MAD1L1: variants seen among roughly 807,000 people sequenced by gnomAD.
MAD1L1 encodes the protein mitotic spindle assembly checkpoint protein MAD1.
Under a neutral mutation model 96.9 loss-of-function variants are expected in MAD1L1, and 95 were observed. The ratio of observed to expected loss-of-function variants is 0.98; its 90% CI spans 0.83 to 1.16. The LOEUF (loss-of-function observed/expected upper bound fraction) is 1.16. MAD1L1 is among the 50% of genes most tolerant of loss of function. The pLI is 0.00. For missense variants in MAD1L1, 1,007 were observed against 954.4 expected (o/e 1.06, Z -0.73); for synonymous variants, 473 against 396.6 (o/e 1.19, Z -2.29).
At chr7:2,005,965 C>T (rs980092316) in intron 13 of MAD1L1, among the ~76,000 whole-genome samples, 1 of 152,054 alleles carries the variant, frequency 6.6e-6, no homozygotes, top group African/African-American at 2.4e-5. Flanking sequence ...AAGCTCAGCA[C>T]GCAGAGGGGC....
At chr7:2,166,658 G>A (rs1790443327) in intron 10 of MAD1L1, among the ~76,000 whole-genome samples, 1 of 152,356 alleles carries the variant, frequency 6.6e-6, no homozygotes, top group East Asian at 1.9e-4. Flanking sequence ...GAGAGCTTGG[G>A]ATGCAACCAC....
At chr7:2,047,858 T>C (rs1179588328) in intron 12 of MAD1L1, among the ~76,000 whole-genome samples, 4 of 152,168 alleles carry the variant, frequency 2.6e-5, no homozygotes, top group Non-Finnish European at 5.9e-5. Context: ...ATCACACACG[T>C]GCACTCACGT....
intron 9 of MAD1L1, among the ~76,000 whole-genome samples, chr7:2,214,238 T>G (rs1057482357): frequency 1.3e-5 from 2 of 152,198 alleles, no homozygotes; most frequent in Non-Finnish European, 2.9e-5. Context: ...AACTACGGAA[T>G]GTGGCTTGAG....
chr7:1,818,632 C>T (rs958462441), intron 18 of MAD1L1, among the ~76,000 whole-genome samples: 5 of 151,820 alleles, frequency 3.3e-5, no homozygotes, highest in African/African-American at 4.8e-5. Flanking sequence ...TCTCAAACTC[C>T]TGGCCTGACG....
chr7:2,083,271 A>C (rs1477350317), intron 11 of MAD1L1, among the ~76,000 whole-genome samples: 1 of 152,242 alleles, frequency 6.6e-6, no homozygotes, highest in Non-Finnish European at 1.5e-5. Context: ...GTCACCCGGC[A>C]GCTCATTTAT....
intron 17 of MAD1L1, among the ~76,000 whole-genome samples, chr7:1,925,667 G>A (rs1789047600): frequency 1.3e-5 from 2 of 152,206 alleles, no homozygotes; most frequent in Admixed American, 1.3e-4. Flanking sequence ...TCCAACACGT[G>A]GACTTTGGAG....
intron 10 of MAD1L1, among the ~76,000 whole-genome samples, chr7:2,188,317 T>C (rs1791557751): frequency 6.6e-6 from 1 of 152,196 alleles, no homozygotes; most frequent in Non-Finnish European, 1.5e-5. Context: ...ACTAAATATT[T>C]TGCAGACATA....
rs893192440 is a variant in MAD1L1, at chr7:2,197,076, C to T, written c.986+16136G>A. Among the ~76,000 whole-genome samples, 6 of 152,346 alleles carry T rather than the reference C, an allele frequency of 3.9e-5. No homozygotes were observed. In the East Asian group the frequency reaches 5.8e-4, roughly 15 times the overall value. On this transcript the variant is annotated intron_variant, in intron 10 of 18. Transcript: ENST00000265854. ...TGCGGCTCCTGTGACCTGCAGGACGCGGTCCAAACCACCCTCAGGACAGGA... is the reference window on the plus strand; with the variant it reads ...TGCGGCTCCTGTGACCTGCAGGACGTGGTCCAAACCACCCTCAGGACAGGA...
chr7:2,115,231 G>A (rs1787606123), intron 11 of MAD1L1, among the ~76,000 whole-genome samples: 1 of 151,490 alleles, frequency 6.6e-6, no homozygotes, highest in South Asian at 2.1e-4. Context: ...GGTCAGAGGA[G>A]GCGCTGGACA....
chr7:1,871,236 T>TATGCCTGCC (rs1562476489), intron 18 of MAD1L1, among the ~76,000 whole-genome samples: 8 of 114,918 alleles, frequency 7.0e-5, no homozygotes, highest in Non-Finnish European at 1.0e-4. Context: ...GAACCCAACA[T>TATGCCTGCC]ACGCCTGCCA....
chr7:2,013,130 G>A (rs530002602), intron 13 of MAD1L1, among the ~76,000 whole-genome samples: 25 of 152,354 alleles, frequency 1.6e-4, no homozygotes, highest in South Asian at 6.2e-4. Flanking sequence ...GACTTTCCCT[G>A]GCACACGGCC....
intron 11 of MAD1L1, among the ~76,000 whole-genome samples, chr7:2,130,328 C>T (rs1370431375): frequency 6.6e-6 from 1 of 152,208 alleles, no homozygotes; most frequent in African/African-American, 2.4e-5. Flanking sequence ...GAGGCCAAGT[C>T]CCCAAGCCCA....
intron 10 of MAD1L1, among the ~76,000 whole-genome samples, chr7:2,171,627 A>G (rs1790711301): frequency 6.6e-6 from 1 of 151,588 alleles, no homozygotes. Context: ...CAGGCAAAGG[A>G]CAGCAGAGAA....
intron 16 of MAD1L1, among the ~76,000 whole-genome samples, chr7:1,947,862 A>C (rs1779302689): frequency 6.6e-6 from 1 of 152,298 alleles, no homozygotes; most frequent in East Asian, 1.9e-4. Context: ...CCTGTCGCCG[A>C]GGGGCCTGCG....
rs551569137 is a variant in MAD1L1, at chr7:1,980,496, C to A, written c.1462G>T (p.Glu488Ter). 1 of 1,602,030 alleles carries A rather than the reference C, an allele frequency of 6.2e-7. No individual in the cohort carries two copies. The highest frequency in any genetic ancestry group is 8.5e-7 in the Non-Finnish European group (1 of 1,178,262). ...TCCCTGGAGAACAGGAAGCTCTGTT[C>A]GGCAGAGCTGGACTGAGACTTCAGC... The part of the protein sequence containing the change: ...KMLKSQSSSA[E>*]QSFLFSREEA... Residue 488 changes from glutamate (E) to a stop codon, truncating the protein, a stop_gained, in exon 15 of 19, where the codon GAA becomes TAA. Coordinates refer to ENST00000265854, the MANE Select transcript of MAD1L1 (RefSeq NM_001013836.2). LOFTEE classifies it high-confidence loss of function.
In MAD1L1 at chr7:2,097,653, G is replaced by A. The variant is rs544983306; in HGVS notation, c.1074-28315C>T. On this transcript the variant is annotated intron_variant, in intron 11 of 18. Coordinates refer to ENST00000265854, the MANE Select transcript of MAD1L1 (RefSeq NM_001013836.2). ...CCCACAGCCACAGCCGGCCATCCAC[G>A]GGCACCAGGCCTCTGGAGGTGCAGA... is the stretch of plus-strand genomic sequence containing the variant. Among the ~76,000 whole-genome samples, 18 of 152,322 alleles carry A rather than the reference G, an allele frequency of 1.2e-4. No homozygotes were observed. The South Asian group carries it at 1.9e-3, about 16-fold the overall frequency.
At chr7:2,208,196 T>C (rs183161421) in intron 10 of MAD1L1, among the ~76,000 whole-genome samples, 3 of 152,314 alleles carry the variant, frequency 2.0e-5, no homozygotes, top group East Asian at 1.9e-4. Flanking sequence ...CCATCATACA[T>C]GGTATGTACC....
chr7:2,131,824 G>A (rs1400466960), intron 11 of MAD1L1, among the ~76,000 whole-genome samples: 1 of 152,202 alleles, frequency 6.6e-6, no homozygotes, highest in African/African-American at 2.4e-5. Context: ...TCGCACCTGG[G>A]GTCTCTCTGG....
intron 10 of MAD1L1, among the ~76,000 whole-genome samples, chr7:2,162,536 A>G (rs1268293797): frequency 1.3e-5 from 2 of 151,968 alleles, no homozygotes; most frequent in Non-Finnish European, 1.5e-5. Flanking sequence ...CTATTGTCCT[A>G]TGACCCTGCC....
Sources: allele counts gnomAD v4.1 joint callset (sites outside exome capture counted in the v4.1 genomes callset), GRCh38; gene constraint gnomAD v4.1.1; transcripts MANE v1.5; gene names NCBI Gene and HGNC (gene_info 2026-07-23, HGNC 2026-07-21).